Variants in ASB3 observed in about 807,000 individuals in gnomAD.
ASB3 encodes the protein ankyrin repeat and SOCS box containing 3, also known as ankyrin repeat and SOCS box protein 3.
Under a neutral mutation model 54.5 loss-of-function variants are expected in ASB3, and 41 were observed. The ratio of observed to expected loss-of-function variants is 0.75; its 90% CI spans 0.59 to 0.98. The LOEUF is 0.98. ASB3 is among the 50% of genes least tolerant of loss of function. The pLI is 0.00. For synonymous variants in ASB3, 266 were observed against 221.2 expected (o/e 1.20, Z -1.80); for missense variants, 733 against 620.0 (o/e 1.18, Z -1.94).
intron 1 of ASB3, among the ~76,000 whole-genome samples, chr2:53,773,532 G>A (rs1235050246): frequency 2.0e-5 from 3 of 152,072 alleles, no homozygotes; most frequent in Admixed American, 2.0e-4. Flanking sequence ...CCGGGTTCAA[G>A]CAATGCTCCT....
intron 7 of ASB3, among the ~76,000 whole-genome samples, chr2:53,704,296 G>C (rs1036974366): frequency 6.6e-6 from 1 of 150,494 alleles, no homozygotes; most frequent in Admixed American, 6.6e-5. Context: ...GAAGGCAGAG[G>C]TTGCAGTGAG....
intron 5 of ASB3, among the ~76,000 whole-genome samples, chr2:53,725,219 G>A (rs577953645): frequency 3.5e-4 from 53 of 152,210 alleles, no homozygotes; most frequent in Non-Finnish European, 6.8e-4. Flanking sequence ...TTACTTATAA[G>A]TGGAGGCTAA....
At chr2:53,778,655 G>A (rs1224295432) in intron 1 of ASB3, among the ~76,000 whole-genome samples, 1 of 152,036 alleles carries the variant, frequency 6.6e-6, no homozygotes, top group Non-Finnish European at 1.5e-5. Context: ...GCTTGTACTT[G>A]GCTTATCTCA....
At chr2:53,715,402 A>G (rs1670330561) in intron 6 of ASB3, among the ~76,000 whole-genome samples, 1 of 152,174 alleles carries the variant, frequency 6.6e-6, no homozygotes, top group African/African-American at 2.4e-5. Context: ...ACTTTTCCTC[A>G]TGTAATGTAT....
rs1670413062 is a variant in ASB3 at position 53,716,702 on chromosome 2, A to C, written c.646T>G (p.Leu216Val). The stretch of plus-strand genomic sequence containing the variant: ...TGTCCCTCTTGAGCAGCAATGAACA[A>C]GGGTGTAGCTTTGTCCAAGGCTTGA... ...NCQALDKATP[L>V]FIAAQEGHTK... is the part of the protein sequence containing the mutation. Residue 216 changes from leucine (L) to valine (V), a missense_variant, in exon 6 of 10, where the codon TTG becomes GTG. Leu to Val is a conservative substitution (Grantham distance 32). Transcript: ENST00000263634. 1 of 1,614,046 alleles carries C rather than the reference A, an allele frequency of 6.2e-7. No individual in the cohort carries two copies. Among genetic ancestry groups the C allele is most frequent in the Admixed American group, 1.7e-5 (1 of 60,004 alleles).
chr2:53,688,055 A>T lies in ASB3; in HGVS notation c.1369+5829T>A, dbSNP rs566572343. On this transcript the variant is annotated intron_variant, in intron 9 of 9. Transcript: ENST00000263634. ...AACTGGTCTTGAACTCCTGGCCTCAAGCAATCCTCCCACCTCGGCCTCTCA... is the reference window on the plus strand; with the variant it reads ...AACTGGTCTTGAACTCCTGGCCTCATGCAATCCTCCCACCTCGGCCTCTCA... Among the ~76,000 whole-genome samples, 253 of 152,290 alleles carry T rather than the reference A, an allele frequency of 1.7e-3. 1 individual carries two copies. Among genetic ancestry groups the T allele is most frequent in the African/African-American group, 5.8e-3 (240 of 41,578 alleles).
At chr2:53,736,962 C>T (rs1390898078) in intron 3 of ASB3, among the ~76,000 whole-genome samples, 1 of 152,128 alleles carries the variant, frequency 6.6e-6, no homozygotes, top group African/African-American at 2.4e-5. Context: ...CCAGCCTAGG[C>T]AACAGAGCAA....
chr2:53,688,657 G>A (rs1168912444), intron 9 of ASB3, among the ~76,000 whole-genome samples: 2 of 152,080 alleles, frequency 1.3e-5, no homozygotes, highest in Non-Finnish European at 2.9e-5. Context: ...AGAAAGTGAT[G>A]GAGGCTCTCA....
intron 1 of ASB3, among the ~76,000 whole-genome samples, chr2:53,785,083 G>A (rs1267759990): frequency 6.6e-6 from 1 of 152,156 alleles, no homozygotes; most frequent in African/African-American, 2.4e-5. Context: ...CTGCCTCAGG[G>A]CCTCTGCCTA....
At chr2:53,748,440 G>A (rs544917141) in intron 3 of ASB3, 1 of 152,194 alleles carries the variant, frequency 6.6e-6, no homozygotes, top group Non-Finnish European at 1.5e-5. Context: ...ATATAAAAAA[G>A]CAATCACTCC....
At chr2:53,679,716 G>A (rs771966970) in intron 9 of ASB3, among the ~76,000 whole-genome samples, 2 of 152,024 alleles carry the variant, frequency 1.3e-5, no homozygotes, top group Non-Finnish European at 2.9e-5. Flanking sequence ...AAAGAACTAT[G>A]TTCACTTTAT....
chr2:53,670,326 A>C lies in ASB3; in HGVS notation c.*177T>G. The C allele has an allele frequency of 1.8e-5, 5 of 281,126 alleles. No homozygotes were observed. Among genetic ancestry groups the C allele is most frequent in the East Asian group, 1.3e-4 (2 of 14,920 alleles). The allele number at this position is 281,126 out of a possible 1,614,324, so 17.4% of individuals were successfully genotyped here. ...TTTTTTTTTTTTTTTTTTACTGGGA[A>C]GGCTAGTTGTAAACATAAACATTCT... On this transcript the variant is annotated 3_prime_UTR_variant, in exon 10 of 10. Transcript: ENST00000263634.
intron 1 of ASB3, among the ~76,000 whole-genome samples, chr2:53,771,245 T>TGG (rs1159779417): frequency 6.6e-6 from 1 of 152,214 alleles, no homozygotes; most frequent in African/African-American, 2.4e-5. Flanking sequence ...CCGGGTGCGG[T>TGG]GGCTCACGCC....
chr2:53,766,846 CAAAT>C (rs1269278460), intron 1 of ASB3, among the ~76,000 whole-genome samples: 1 of 151,600 alleles, frequency 6.6e-6, no homozygotes, highest in African/African-American at 2.4e-5. Context: ...TATAAGAAAA[CAAAT>C]AATACCCCTT....
Position 53,670,694 on chromosome 2 carries a change from G to GAAAA in ASB3, c.1370-5_1370-4insTTTT, listed in dbSNP as rs1472141512. The GAAAA allele has an allele frequency of 3.1e-6, 5 of 1,589,884 alleles. No individual in the cohort carries two copies. The highest frequency in any genetic ancestry group is 3.7e-5 in the Admixed American group (2 of 53,402). ...TGGGTCAGGGATGGAACAGTGGCTG[G>GAAAA]AGAAACAAAAAAAGCAAGGTGAAAC... On this transcript the variant is annotated splice_region_variant and splice_polypyrimidine_tract_variant and intron_variant, in intron 9 of 9. Coordinates refer to ENST00000263634, the MANE Select transcript of ASB3 (RefSeq NM_016115.5).
intron 9 of ASB3, 130 bp from the exon 10 acceptor site, chr2:53,670,820 G>A (rs1231011755): frequency 2.9e-6 from 3 of 1,043,782 alleles, no homozygotes; most frequent in Non-Finnish European, 4.1e-6. Context: ...AGACTACTTT[G>A]AGTCAGTATG....
chr2:53,759,677 G>T (rs1375039937), intron 2 of ASB3, among the ~76,000 whole-genome samples: 1 of 152,108 alleles, frequency 6.6e-6, no homozygotes, highest in East Asian at 1.9e-4. Context: ...TGCCTAACAG[G>T]GATTGCTTCC....
intron 2 of ASB3, among the ~76,000 whole-genome samples, chr2:53,760,050 C>A (rs1399119619): frequency 1.3e-5 from 2 of 152,180 alleles, no homozygotes; most frequent in African/African-American, 4.8e-5. Context: ...TCACTATATA[C>A]TTCTCCCAGC....
intron 3 of ASB3, among the ~76,000 whole-genome samples, chr2:53,736,436 C>T (rs1212551618): frequency 5.3e-5 from 8 of 152,188 alleles, no homozygotes; most frequent in Admixed American, 1.3e-4. Flanking sequence ...CGGTGGCTCA[C>T]GCCTGTAATC....
Sources: allele counts gnomAD v4.1 joint callset (sites outside exome capture counted in the v4.1 genomes callset), GRCh38; gene constraint gnomAD v4.1.1; transcripts MANE v1.5; gene names NCBI Gene and HGNC (gene_info 2026-07-23, HGNC 2026-07-21).